NUMBL: variants seen among roughly 807,000 people sequenced by gnomAD.
NUMBL encodes the protein numb-like protein.
Under a neutral mutation model 48.9 loss-of-function variants are expected in NUMBL, and 20 were observed. That is an observed-to-expected ratio of 0.41 (90% CI 0.29 to 0.59). NUMBL has a LOEUF of 0.59. Ranked by LOEUF, NUMBL falls within the 20% of genes least tolerant of loss-of-function variation. NUMBL has a pLI of 0.31. For synonymous variants in NUMBL, 340 were observed against 348.7 expected (o/e 0.98, Z 0.28); for missense variants, 660 against 846.2 (o/e 0.78, Z 2.73).
chr19:40,675,745 G>A (rs1007730529), intron 7 of NUMBL, among the ~76,000 whole-genome samples: 4 of 148,216 alleles, frequency 2.7e-5, no homozygotes, highest in Non-Finnish European at 6.0e-5. Flanking sequence ...TTACACACGC[G>A]TGCACACACA....
chr19:40,690,565 C>T lies in NUMBL; in HGVS notation c.-82G>A, dbSNP rs2081960596. 1.3e-5 allele frequency: 12 copies of T among 902,852 alleles called. No homozygotes were observed. The East Asian group carries it at 4.3e-4, about 32-fold the overall frequency. The allele number at this position is 902,852 out of a possible 1,614,324, so 55.9% of individuals were successfully genotyped here. On this transcript the variant is annotated 5_prime_UTR_variant, in exon 1 of 10. Transcript: ENST00000252891. The stretch of plus-strand genomic sequence containing the variant: ...GCTGCTGCTGCGGTGGTGGCGGCGG[C>T]AGCTCGGTCTGACGCCGGCCAGGGC...
chr19:40,671,611 G>C (rs1038922606), intron 8 of NUMBL, among the ~76,000 whole-genome samples: 1 of 152,178 alleles, frequency 6.6e-6, no homozygotes, highest in Non-Finnish European at 1.5e-5. Context: ...GAGGGAGCGT[G>C]CGTCACTCTC....
At position 40,667,321 on chromosome 19, in the gene NUMBL, T is replaced by G; in HGVS notation, c.*147A>C. ...CCTGGGCGTCACAATGTTGGTTCTG[T>G]AGTGGTTGTCGGGGTGGTTGAGGGA... is the stretch of plus-strand genomic sequence containing the variant. On this transcript the variant is annotated 3_prime_UTR_variant, in exon 10 of 10. Transcript: ENST00000252891. The surrounding 1 kb of genome is among the most constrained non-coding windows in gnomAD (Gnocchi z 6.1). The G allele has an allele frequency of 8.8e-7, 1 of 1,136,488 alleles. No individual in the cohort carries two copies. 70.4% of individuals were successfully genotyped at this position (1,136,488 alleles called of 1,614,324 possible).
intron 8 of NUMBL, among the ~76,000 whole-genome samples, chr19:40,672,899 A>G (rs1040333676): frequency 6.6e-6 from 1 of 152,072 alleles, no homozygotes; most frequent in Non-Finnish European, 1.5e-5. Flanking sequence ...GGAGGGAGGG[A>G]GCATTAACCT....
chr19:40,680,854 A>T, intron 6 of NUMBL, 63 bp downstream of exon 6: 2 of 1,576,104 alleles, frequency 1.3e-6, no homozygotes, highest in Non-Finnish European at 1.7e-6. Flanking sequence ...GGAAGCTTGT[A>T]GGGGTGGGGC....
chr19:40,666,466 T>C lies in NUMBL; in HGVS notation c.*1002A>G, dbSNP rs1313748953. On this transcript the variant is annotated 3_prime_UTR_variant, in exon 10 of 10. Coordinates refer to ENST00000252891, the MANE Select transcript of NUMBL (RefSeq NM_004756.5). Reference sequence around the variant, plus strand: ...GCAGTTCATAATATTTGTTTTTTATTCCTTGATTCTAACTCTGTAAGGAAT... The same window carrying C: ...GCAGTTCATAATATTTGTTTTTTATCCCTTGATTCTAACTCTGTAAGGAAT... The C allele has an allele frequency of 6.6e-6, 1 of 152,214 alleles. No homozygotes were observed. The highest frequency in any genetic ancestry group is 1.5e-5 in the Non-Finnish European group (1 of 68,042). 9.4% of individuals were successfully genotyped at this position (152,214 alleles called of 1,614,324 possible).
At chr19:40,686,789 C>G in intron 2 of NUMBL, 122 bp downstream of exon 2, 1 of 676,372 alleles carries the variant, frequency 1.5e-6, no homozygotes, top group Non-Finnish European at 2.6e-6. Flanking sequence ...GAGGAAGATG[C>G]CTGAGGGTGT....
chr19:40,673,208 T>G lies in NUMBL; in HGVS notation c.1036+136A>C, dbSNP rs867669770. ...CCCACTGCTAATCGATCATGACATG[T>G]TCCCACTCTCTCTCCTTTGCCCATG... On this transcript the variant is annotated intron_variant, in intron 8 of 9. Coordinates refer to ENST00000252891, the MANE Select transcript of NUMBL (RefSeq NM_004756.5). This position sits in a 1 kb window ranked among gnomAD's most constrained non-coding sequence, Gnocchi z 5.9. The G allele has an allele frequency of 1.1e-6, 1 of 922,490 alleles. No individual in the cohort carries two copies. Among genetic ancestry groups the G allele is most frequent in the Admixed American group, 2.9e-5 (1 of 34,836 alleles). The allele number at this position is 922,490 out of a possible 1,614,324, so 57.1% of individuals were successfully genotyped here.
In NUMBL at chr19:40,682,830, CCGGGT is replaced by C; in HGVS notation, c.325-33_325-29del. On this transcript the variant is annotated intron_variant, in intron 4 of 9. Transcript: ENST00000252891. The surrounding 1 kb of genome is among the most constrained non-coding windows in gnomAD (Gnocchi z 4.0). ...GGAGGGAGGCAAGGGGACAAAGGAG[CCGGGT>C]CAGGGTGCCTCTCCCTGTCTGACCT... 1 of 1,614,062 alleles carries C rather than the reference CCGGGT, an allele frequency of 6.2e-7. No individual in the cohort carries two copies. Among genetic ancestry groups the C allele is most frequent in the Non-Finnish European group, 8.5e-7 (1 of 1,179,932 alleles).
intron 2 of NUMBL, 69 bp downstream of exon 2, chr19:40,686,842 C>G (rs563400452): frequency 3.1e-5 from 30 of 956,360 alleles, no homozygotes; most frequent in East Asian, 5.3e-5. Flanking sequence ...GCAGGGACAG[C>G]TCCTCTGGTC....
At chr19:40,690,214 T>TG (rs900608727) in intron 1 of NUMBL, 152 of 359,364 alleles carry the variant, frequency 4.2e-4, no homozygotes, top group Middle Eastern at 2.7e-3. Flanking sequence ...CTTGGTTTTG[T>TG]GGGGGGTCTG....
In NUMBL at chr19:40,682,895, G is replaced by A. The variant is rs1047593516; in HGVS notation, c.323C>T (p.Ala108Val). ...CCTCATGGCAGCCCCCTCACTCACCGCCTTCAGCTTCTTCACCGCATCTTC... is the reference window on the plus strand; with the variant it reads ...CCTCATGGCAGCCCCCTCACTCACCACCTTCAGCTTCTTCACCGCATCTTC... ...VCEDAVKKLKAMGRKSVKSVL... is the reference protein window; with the variant it reads ...VCEDAVKKLKVMGRKSVKSVL... The change falls in exon 4 of 10, where the codon GCG (alanine) becomes GTG (valine). Residue 108 changes from alanine to valine, a missense_variant and splice_region_variant. This residue lies in a region of NUMBL where 278 missense variants were observed against 420.6 expected (regional missense o/e 0.66). Coordinates refer to ENST00000252891, the MANE Select transcript of NUMBL (RefSeq NM_004756.5). The surrounding 1 kb of genome is among the most constrained non-coding windows in gnomAD (Gnocchi z 4.0). 16 of 1,613,654 alleles carry A rather than the reference G, an allele frequency of 9.9e-6. No homozygotes were observed. In the East Asian group the frequency reaches 2.0e-4, roughly 20 times the overall value.
In NUMBL at chr19:40,667,983, GC is replaced by G. The variant is rs778153169; in HGVS notation, c.1314del (p.Gln438HisfsTer147). The G allele has an allele frequency of 6.4e-4, 952 of 1,494,118 alleles. 12 individuals carry two copies. The African/African-American group carries it at 0.018, about 28-fold the overall frequency. 92.6% of individuals were successfully genotyped at this position (1,494,118 alleles called of 1,614,324 possible). On this transcript the variant is annotated frameshift_variant, in exon 10 of 10. Coordinates refer to ENST00000252891, the MANE Select transcript of NUMBL (RefSeq NM_004756.5). LOFTEE classifies it low-confidence loss of function (END_TRUNC). The surrounding 1 kb of genome is among the most constrained non-coding windows in gnomAD (Gnocchi z 6.1). ...GCTTGCTGCTGTTGCTGCTGCTGCTGCTGCTGCTGTTGCTGTTGCTGCTGCT... is the reference window on the plus strand; with the variant it reads ...GCTTGCTGCTGTTGCTGCTGCTGCTGTGCTGCTGTTGCTGTTGCTGCTGCT... ...QQQQQQQQQQ[Q>X]QQQQQQQQAA...
At chr19:40,668,781 AC>A (rs2081830744) in intron 9 of NUMBL, among the ~76,000 whole-genome samples, 1 of 152,080 alleles carries the variant, frequency 6.6e-6, no homozygotes, top group African/African-American at 2.4e-5. Context: ...TTTGAATATC[AC>A]CCTTGATTTT....
rs558199959 is a variant in NUMBL at position 40,684,406 on chromosome 19, C to A, written c.249+11G>T. 20 of 1,553,524 alleles carry A rather than the reference C, an allele frequency of 1.3e-5. No homozygotes were observed. Among genetic ancestry groups the A allele is most frequent in the Non-Finnish European group, 1.6e-5 (19 of 1,154,434 alleles). ...CCCCTCGCCCCGCCGCACCCTGCCG[C>A]GCCCACTCACCCTGACCGGGAAGCT... is the stretch of plus-strand genomic sequence containing the variant. On this transcript the variant is annotated intron_variant, in intron 3 of 9. Transcript: ENST00000252891.
Position 40,682,696 on chromosome 19 carries a change from C to T in NUMBL, c.399+32G>A. On this transcript the variant is annotated intron_variant, in intron 5 of 9. Transcript: ENST00000252891. This position sits in a 1 kb window ranked among gnomAD's most constrained non-coding sequence, Gnocchi z 4.0. ...GATTCCAGCAGGGTGAGCAGACAGG[C>T]CCCCTGGCGTCCACCCCCACAGGCC... The T allele has an allele frequency of 6.2e-7, 1 of 1,604,736 alleles. No individual in the cohort carries two copies. Among genetic ancestry groups the T allele is most frequent in the Non-Finnish European group, 8.5e-7 (1 of 1,173,326 alleles).
rs2081910631 is a variant in NUMBL, at chr19:40,682,659, G to A, written c.399+69C>T. The A allele has an allele frequency of 6.8e-7, 1 of 1,472,348 alleles. No individual in the cohort carries two copies. The highest frequency in any genetic ancestry group is 9.4e-7 in the Non-Finnish European group (1 of 1,065,128). 91.2% of individuals were successfully genotyped at this position (1,472,348 alleles called of 1,614,324 possible). A position where few individuals can be genotyped will look rare whatever the true frequency, so the allele number is the denominator to read the frequency against. On this transcript the variant is annotated intron_variant, in intron 5 of 9. Coordinates refer to ENST00000252891, the MANE Select transcript of NUMBL (RefSeq NM_004756.5). This position sits in a 1 kb window ranked among gnomAD's most constrained non-coding sequence, Gnocchi z 4.0. ...GGATGTGCAGAGGAGGCGGGAAGGT[G>A]TCCTCCGCCCTGATTCCAGCAGGGT...
intron 3 of NUMBL, among the ~76,000 whole-genome samples, chr19:40,683,477 T>C (rs1273704221): frequency 6.6e-6 from 1 of 152,162 alleles, no homozygotes; most frequent in South Asian, 2.1e-4. Context: ...GCTGCCTTAC[T>C]TTCCTCACTC....
At chr19:40,690,403 G>A (rs1490101162) in intron 1 of NUMBL, 57 bp downstream of exon 1, 21 of 1,047,486 alleles carry the variant, frequency 2.0e-5, no homozygotes, top group Non-Finnish European at 2.5e-5. Context: ...CCCACCCTCC[G>A]CCACATCAGC....
Sources: allele counts gnomAD v4.1 joint callset (sites outside exome capture counted in the v4.1 genomes callset), GRCh38; gene constraint gnomAD v4.1.1; regional missense constraint gnomAD v4.1.1; non-coding constraint Gnocchi (gnomAD v3.1); transcripts MANE v1.5; gene names NCBI Gene and HGNC (gene_info 2026-07-23, HGNC 2026-07-21).